The following UGT1A10 variants were observed in gnomAD, a reference collection of about 807,000 sequenced individuals.
UGT1A10 encodes the protein UDP-glucuronosyltransferase 1A10.
A neutral mutation model predicts 45.8 loss-of-function variants in UGT1A10; 49 were observed. The ratio of observed to expected loss-of-function variants is 1.07; its 90% CI spans 0.85 to 1.36. UGT1A10 has a LOEUF of 1.36. Ranked by LOEUF, UGT1A10 falls within the 40% of genes most tolerant of loss-of-function variation. UGT1A10 has a pLI of 0.00. For missense variants in UGT1A10, 745 were observed against 668.6 expected (o/e 1.11, Z -1.26); for synonymous variants, 284 against 249.7 (o/e 1.14, Z -1.29).
intron 1 of UGT1A10, among the ~76,000 whole-genome samples, chr2:233,644,536 A>G (rs1394538064): frequency 6.6e-6 from 1 of 152,232 alleles, no homozygotes; most frequent in Non-Finnish European, 1.5e-5. Context: ...ACTCCAGCCT[A>G]GATGACAGAG....
chr2:233,754,874 G>C, intron 1 of UGT1A10: 2 of 1,352,006 alleles, frequency 1.5e-6, no homozygotes, highest in Admixed American at 1.9e-5. Flanking sequence ...CTCTGCTTCT[G>C]CTTCCCAGGG....
rs760444509 is a variant in UGT1A10 at position 233,769,505 on chromosome 2, C to G, written c.1295+1066C>G. The G allele has an allele frequency of 8.7e-6, 14 of 1,612,652 alleles. No individual in the cohort carries two copies. In the Admixed American group the frequency reaches 2.3e-4, roughly 27 times the overall value. ...CGTGTGTTTATGAGAGTGTCCATTG[C>G]TTTCTCCCATGGTTACCTCCTTTAG... On this transcript the variant is annotated intron_variant, in intron 4 of 4. Transcript: ENST00000344644. This position sits in a 1 kb window ranked among gnomAD's most constrained non-coding sequence, Gnocchi z 4.4.
At chr2:233,691,502 G>A (rs1304193805) in intron 1 of UGT1A10, 2 of 985,742 alleles carry the variant, frequency 2.0e-6, no homozygotes, top group Non-Finnish European at 2.4e-6. Flanking sequence ...ACAGGAACTC[G>A]CGTGCCAGCC....
At chr2:233,732,625 G>A (rs1018274304) in intron 1 of UGT1A10, among the ~76,000 whole-genome samples, 1 of 152,154 alleles carries the variant, frequency 6.6e-6, no homozygotes, top group African/African-American at 2.4e-5. Context: ...TAGATGTGTG[G>A]TGTTATTTCT....
chr2:233,651,281 T>C lies in UGT1A10; in HGVS notation c.855+13904T>C, dbSNP rs531844752. The stretch of plus-strand genomic sequence containing the variant: ...CTTCCTGAACCCACACTGAGTTCCT[T>C]GTGGCTCACAGGGTCACCCAGAGGG... On this transcript the variant is annotated intron_variant, in intron 1 of 4. Coordinates refer to ENST00000344644, the MANE Select transcript of UGT1A10 (RefSeq NM_019075.4). Among the ~76,000 whole-genome samples the C allele has an allele frequency of 5.9e-5, 9 of 152,286 alleles. No homozygotes were observed. In the East Asian group the frequency reaches 1.5e-3, roughly 26 times the overall value.
intron 4 of UGT1A10, 143 bp downstream of exon 4, chr2:233,768,582 CTTTTTTTTTTTTT>C (rs139595073): frequency 1.1e-5 from 11 of 1,033,176 alleles, no homozygotes; most frequent in Non-Finnish European, 9.8e-6. Context: ...TTTATTTCTT[CTTTTTTTTTTTTT>C]TTTTTTTTTG....
chr2:233,729,088 C>CG (rs1559373560), intron 1 of UGT1A10: 1 of 1,612,432 alleles, frequency 6.2e-7, no homozygotes, highest in Admixed American at 1.7e-5. Flanking sequence ...GCAGGCACAG[C>CG]GTGGGGTGGA....
intron 1 of UGT1A10, chr2:233,755,115 G>A: frequency 1.5e-6 from 2 of 1,331,678 alleles, no homozygotes; most frequent in Non-Finnish European, 2.0e-6. Context: ...CACCTCGTAG[G>A]CCTCAGCCAC....
At chr2:233,728,754 C>A (rs1442731907) in intron 1 of UGT1A10, among the ~76,000 whole-genome samples, 2 of 152,152 alleles carry the variant, frequency 1.3e-5, no homozygotes, top group Non-Finnish European at 2.9e-5. Flanking sequence ...AATGGTGACT[C>A]CTCAGACCTC....
At chr2:233,669,039 C>T (rs2074130816) in intron 1 of UGT1A10, among the ~76,000 whole-genome samples, 1 of 152,116 alleles carries the variant, frequency 6.6e-6, no homozygotes. Context: ...GGAGGAAGAC[C>T]ACAAGGTAAT....
At chr2:233,709,140 C>T (rs1481814176) in intron 1 of UGT1A10, among the ~76,000 whole-genome samples, 5 of 152,066 alleles carry the variant, frequency 3.3e-5, no homozygotes, top group Admixed American at 6.6e-5. Flanking sequence ...GGGGATGAGA[C>T]GTGCTGATTG....
At chr2:233,660,704 C>T (rs373276702) in intron 1 of UGT1A10, among the ~76,000 whole-genome samples, 2 of 152,138 alleles carry the variant, frequency 1.3e-5, no homozygotes, top group Admixed American at 1.3e-4. Flanking sequence ...AATCCTCGTG[C>T]CCGCTTCTCT....
intron 1 of UGT1A10, among the ~76,000 whole-genome samples, chr2:233,666,183 T>A (rs990201783): frequency 1.7e-4 from 26 of 152,278 alleles, no homozygotes; most frequent in Admixed American, 3.9e-4. Context: ...GGCTTTTTTT[T>A]AATAATCAGT....
chr2:233,658,513 G>A (rs2073902156), intron 1 of UGT1A10, among the ~76,000 whole-genome samples: 1 of 152,108 alleles, frequency 6.6e-6, no homozygotes, highest in African/African-American at 2.4e-5. Flanking sequence ...TTCATCTCCT[G>A]TACCGTGTGA....
intron 1 of UGT1A10, among the ~76,000 whole-genome samples, chr2:233,766,353 G>A (rs939799287): frequency 1.3e-5 from 2 of 152,092 alleles, no homozygotes; most frequent in Non-Finnish European, 2.9e-5. Context: ...GTGGCCTGCC[G>A]GTGCCTGTTG....
At chr2:233,648,142 C>T (rs17862850) in intron 1 of UGT1A10, 14,916 of 1,278,964 alleles carry the variant, frequency 0.012, 97 homozygotes, top group Non-Finnish European at 0.014. Flanking sequence ...AGCAGAAGTA[C>T]GACGCTTATT....
At chr2:233,747,945 G>C in intron 1 of UGT1A10, 1 of 1,613,482 alleles carries the variant, frequency 6.2e-7, no homozygotes, top group African/African-American at 1.3e-5. Flanking sequence ...GGAGGTGTCA[G>C]TGGTGGATCT....
At chr2:233,747,788 C>A in intron 1 of UGT1A10, 1 of 1,613,516 alleles carries the variant, frequency 6.2e-7, no homozygotes. Context: ...ATCCTTCCTC[C>A]TATATTCCTA....
chr2:233,693,544 T>C (rs888897254), intron 1 of UGT1A10: 2 of 1,614,184 alleles, frequency 1.2e-6, no homozygotes, highest in Admixed American at 3.3e-5. Context: ...CCCTGGAGCA[T>C]ACATTCAGCA....
Sources: allele counts gnomAD v4.1 joint callset (sites outside exome capture counted in the v4.1 genomes callset), GRCh38; gene constraint gnomAD v4.1.1; non-coding constraint Gnocchi (gnomAD v3.1); transcripts MANE v1.5; gene names NCBI Gene and HGNC (gene_info 2026-07-23, HGNC 2026-07-21).